PRKCA: variants seen among roughly 807,000 people sequenced by gnomAD.
PRKCA encodes the protein protein kinase C alpha, also known as protein kinase C alpha type.
Under a neutral mutation model 87.0 loss-of-function variants are expected in PRKCA, and 27 were observed. That is an observed-to-expected ratio of 0.31 (90% CI 0.23 to 0.43). The LOEUF is 0.43. Among genes scored for constraint, PRKCA ranks in the 20% least tolerant of loss-of-function variants. The pLI, the probability that PRKCA is intolerant of heterozygous loss-of-function variation, is 1.00. For missense variants in PRKCA, 518 were observed against 852.3 expected (o/e 0.61, Z 4.88); for synonymous variants, 329 against 311.1 (o/e 1.06, Z -0.61).
At chr17:66,401,680 G>A (rs1911038788) in intron 2 of PRKCA, among the ~76,000 whole-genome samples, 1 of 152,084 alleles carries the variant, frequency 6.6e-6, no homozygotes, top group Non-Finnish European at 1.5e-5. Flanking sequence ...ATGAGGAGAA[G>A]GGAGAAAACC....
chr17:66,729,245 T>TA (rs891117527), intron 8 of PRKCA, among the ~76,000 whole-genome samples: 16 of 151,186 alleles, frequency 1.1e-4, no homozygotes, highest in African/African-American at 2.4e-4. Flanking sequence ...CTACTAAAAA[T>TA]AAAAAAAAAT....
intron 2 of PRKCA, among the ~76,000 whole-genome samples, chr17:66,365,917 CTATGCA>C (rs1195732936): frequency 6.6e-6 from 1 of 152,164 alleles, no homozygotes; most frequent in Non-Finnish European, 1.5e-5. Context: ...CCTTTTGTTT[CTATGCA>C]GAAAACATTT....
chr17:66,795,679 G>C (rs1457984088), intron 16 of PRKCA, among the ~76,000 whole-genome samples: 1 of 152,224 alleles, frequency 6.6e-6, no homozygotes, highest in Non-Finnish European at 1.5e-5. Context: ...CAGACCCTGT[G>C]TACATCAAAG....
intron 2 of PRKCA, among the ~76,000 whole-genome samples, chr17:66,319,159 G>A (rs779037359): frequency 6.6e-6 from 1 of 151,938 alleles, no homozygotes; most frequent in Non-Finnish European, 1.5e-5. Flanking sequence ...GGCTTGCAAT[G>A]GTGGTCTGCC....
At chr17:66,433,166 C>CA (rs1913185431) in intron 2 of PRKCA, among the ~76,000 whole-genome samples, 1 of 152,072 alleles carries the variant, frequency 6.6e-6, no homozygotes, top group Admixed American at 6.5e-5. Flanking sequence ...TTAAGTGTTC[C>CA]AATAGCTGGG....
rs550175184 is a variant in PRKCA at position 66,337,519 on chromosome 17, A to G, written c.205+31392A>G. 1.9e-4 allele frequency among the ~76,000 whole-genome samples: 29 copies of G among 151,918 alleles called. 1 individual carries two copies. The South Asian group carries it at 4.8e-3, about 25-fold the overall frequency. ...ATCCTTGTGCTTCAGCCTCCTCAGT[A>G]GCTGAGACTACCGGTGGTTGCCACC... On this transcript the variant is annotated intron_variant, in intron 2 of 16. Coordinates refer to ENST00000413366, the MANE Select transcript of PRKCA (RefSeq NM_002737.3).
At chr17:66,434,058 C>G (rs753123979) in intron 2 of PRKCA, among the ~76,000 whole-genome samples, 1 of 152,068 alleles carries the variant, frequency 6.6e-6, no homozygotes, top group Non-Finnish European at 1.5e-5. Flanking sequence ...ACCCTGACTT[C>G]TAGCTTCCCT....
intron 13 of PRKCA, among the ~76,000 whole-genome samples, chr17:66,754,691 G>A (rs2144273989): frequency 6.6e-6 from 1 of 152,278 alleles, no homozygotes; most frequent in East Asian, 1.9e-4. Flanking sequence ...AAAGAAGTTT[G>A]CTGGGCATGG....
intron 2 of PRKCA, among the ~76,000 whole-genome samples, chr17:66,468,741 G>A (rs1410361580): frequency 1.3e-5 from 2 of 152,110 alleles, no homozygotes; most frequent in Non-Finnish European, 2.9e-5. Flanking sequence ...TGGGAGGGGC[G>A]AGAGCTAACA....
intron 2 of PRKCA, among the ~76,000 whole-genome samples, chr17:66,467,870 A>G (rs912193188): frequency 6.6e-5 from 10 of 152,182 alleles, no homozygotes; most frequent in Admixed American, 3.3e-4. Flanking sequence ...GGTTGTACTT[A>G]AAAAACAAAA....
Position 66,687,278 on chromosome 17 carries a change from T to A in PRKCA, c.686+11T>A, listed in dbSNP as rs764412790. On this transcript the variant is annotated intron_variant, in intron 6 of 16. Transcript: ENST00000413366. ...TGAGTCCTTTACATTGTAAGTGGTC[T>A]CTCCTTGATCAAATTTCATTCCTAT... 3 of 1,610,552 alleles carry A rather than the reference T, an allele frequency of 1.9e-6. No individual in the cohort carries two copies. In the Admixed American group the frequency reaches 5.1e-5, roughly 27 times the overall value.
At chr17:66,307,414 T>G (rs1326401140) in intron 2 of PRKCA, among the ~76,000 whole-genome samples, 3 of 152,052 alleles carry the variant, frequency 2.0e-5, no homozygotes, top group Non-Finnish European at 4.4e-5. Flanking sequence ...CTTTAGGGAG[T>G]TTAAAGATGT....
At chr17:66,582,886 C>T (rs980735750) in intron 3 of PRKCA, among the ~76,000 whole-genome samples, 1 of 152,132 alleles carries the variant, frequency 6.6e-6, no homozygotes. Context: ...GTGTGAGCCC[C>T]GTGTGACCTA....
intron 8 of PRKCA, among the ~76,000 whole-genome samples, chr17:66,705,891 C>T (rs1973180136): frequency 6.6e-6 from 1 of 152,178 alleles, no homozygotes; most frequent in South Asian, 2.1e-4. Flanking sequence ...TGACACCAAA[C>T]ATAATGCTAT....
At chr17:66,564,446 T>C (rs951708101) in intron 3 of PRKCA, among the ~76,000 whole-genome samples, 2 of 152,150 alleles carry the variant, frequency 1.3e-5, no homozygotes, top group African/African-American at 2.4e-5. Context: ...AATGTTTCTG[T>C]TGGGTGGTGC....
At chr17:66,753,291 C>T (rs569543464) in intron 13 of PRKCA, among the ~76,000 whole-genome samples, 23 of 152,346 alleles carry the variant, frequency 1.5e-4, no homozygotes, top group African/African-American at 5.5e-4. Flanking sequence ...TACTCAGAGC[C>T]TGGAATTCCC....
chr17:66,789,602 T>A (rs544311583), intron 16 of PRKCA, among the ~76,000 whole-genome samples: 11 of 152,246 alleles, frequency 7.2e-5, no homozygotes, highest in Non-Finnish European at 1.5e-4. Context: ...GCCTTACGAA[T>A]ATTAATTCAC....
At chr17:66,342,559 C>CA (rs1428996179) in intron 2 of PRKCA, among the ~76,000 whole-genome samples, 4 of 151,184 alleles carry the variant, frequency 2.6e-5, no homozygotes, top group African/African-American at 9.7e-5. Context: ...TAACTAATGC[C>CA]AAGCAAGGGA....
chr17:66,679,388 A>G (rs1972429440), intron 5 of PRKCA, among the ~76,000 whole-genome samples: 1 of 152,010 alleles, frequency 6.6e-6, no homozygotes, highest in Admixed American at 6.6e-5. Context: ...TCACCGTGTT[A>G]GCCAGGATGG....
Sources: allele counts gnomAD v4.1 joint callset (sites outside exome capture counted in the v4.1 genomes callset), GRCh38; gene constraint gnomAD v4.1.1; transcripts MANE v1.5; gene names NCBI Gene and HGNC (gene_info 2026-07-23, HGNC 2026-07-21).